The following ADAMTS2 variants were observed in gnomAD, a reference collection of about 807,000 sequenced individuals.
ADAMTS2 encodes the protein A disintegrin and metalloproteinase with thrombospondin motifs 2.
Under a neutral mutation model 123.0 loss-of-function variants are expected in ADAMTS2, and 50 were observed. The ratio of observed to expected loss-of-function variants is 0.41; its 90% CI spans 0.32 to 0.51. ADAMTS2 has a LOEUF of 0.51. Ranked by LOEUF, ADAMTS2 falls within the 20% of genes least tolerant of loss-of-function variation. The pLI is 0.35. For synonymous variants in ADAMTS2, 678 were observed against 695.4 expected (o/e 0.98, Z 0.39); for missense variants, 1,494 against 1,705.2 (o/e 0.88, Z 2.18).
intron 2 of ADAMTS2, among the ~76,000 whole-genome samples, chr5:179,289,440 A>G (rs761951375): frequency 6.6e-6 from 1 of 152,222 alleles, no homozygotes; most frequent in Non-Finnish European, 1.5e-5. Flanking sequence ...AAATCATGGT[A>G]GTAAACCCCA....
intron 3 of ADAMTS2, among the ~76,000 whole-genome samples, chr5:179,259,051 C>T (rs542192009): frequency 6.6e-6 from 1 of 152,282 alleles, no homozygotes; most frequent in South Asian, 2.1e-4. Context: ...TCACCCTCCT[C>T]GGAAACCAGA....
chr5:179,125,298 CA>C (rs1762834538), intron 18 of ADAMTS2, 118 bp from the exon 19 acceptor site: 1 of 852,432 alleles, frequency 1.2e-6, no homozygotes. Context: ...GGGCAGCCTG[CA>C]CCCCTCCCCG....
intron 4 of ADAMTS2, among the ~76,000 whole-genome samples, chr5:179,199,204 C>T (rs180729597): frequency 1.4e-4 from 21 of 152,336 alleles, no homozygotes; most frequent in African/African-American, 3.4e-4. Flanking sequence ...TGAAGTTCTT[C>T]GTCATCTCAC....
intron 5 of ADAMTS2, among the ~76,000 whole-genome samples, chr5:179,174,765 C>T (rs372046779): frequency 3.9e-5 from 6 of 152,268 alleles, no homozygotes; most frequent in African/African-American, 7.2e-5. Context: ...ACAGCTGTCT[C>T]GGCCATTCTT....
chr5:179,264,995 G>A (rs1161050110), intron 3 of ADAMTS2, among the ~76,000 whole-genome samples: 1 of 152,052 alleles, frequency 6.6e-6, no homozygotes. Flanking sequence ...GCGGGGCTGA[G>A]CACACTGACC....
rs1007112447 is a variant in ADAMTS2, at chr5:179,117,011, T to G, written c.3179-2687A>C. On this transcript the variant is annotated intron_variant, in intron 21 of 21. Coordinates refer to ENST00000251582, the MANE Select transcript of ADAMTS2 (RefSeq NM_014244.5). This position sits in a 1 kb window ranked among gnomAD's most constrained non-coding sequence, Gnocchi z 4.2. ...ATCCTGAGATGTGGCTGTCAGGATT[T>G]TGAAACTGGCAGAAGGCTTTTCTCA... Among the ~76,000 whole-genome samples, 9 of 152,160 alleles carry G rather than the reference T, an allele frequency of 5.9e-5. No homozygotes were observed. The highest frequency in any genetic ancestry group is 2.2e-4 in the African/African-American group (9 of 41,434).
chr5:179,280,115 G>A (rs1211240104), intron 2 of ADAMTS2, among the ~76,000 whole-genome samples: 4 of 152,328 alleles, frequency 2.6e-5, no homozygotes, highest in African/African-American at 9.6e-5. Flanking sequence ...AGAACCTGAT[G>A]ACTTTGCTTG....
chr5:179,198,588 C>G (rs1373859898), intron 4 of ADAMTS2, among the ~76,000 whole-genome samples: 2 of 152,188 alleles, frequency 1.3e-5, no homozygotes, highest in Non-Finnish European at 2.9e-5. Flanking sequence ...GATCCCAGCA[C>G]TTTGGGAGGC....
At chr5:179,264,722 C>T (rs184645464) in intron 3 of ADAMTS2, among the ~76,000 whole-genome samples, 1 of 152,336 alleles carries the variant, frequency 6.6e-6, no homozygotes, top group Admixed American at 6.5e-5. Flanking sequence ...TCGCAGTGAG[C>T]ACTGGGCAGG....
intron 13 of ADAMTS2, 78 bp downstream of exon 13, chr5:179,135,831 C>T: frequency 1.3e-6 from 2 of 1,599,786 alleles, no homozygotes; most frequent in South Asian, 2.2e-5. Flanking sequence ...TTGCCAATAC[C>T]CCGAAAAGGG....
intron 2 of ADAMTS2, among the ~76,000 whole-genome samples, chr5:179,337,396 CTCAT>C (rs1056085774): frequency 1.3e-5 from 2 of 152,212 alleles, no homozygotes; most frequent in Non-Finnish European, 2.9e-5. Context: ...CGTGTACACA[CTCAT>C]TCAGACGTGC....
Position 179,185,639 on chromosome 5 carries a change from G to A in ADAMTS2, c.892-4484C>T, listed in dbSNP as rs777223336. ...GACCAACCACTCCAAAAGCCCCGTC[G>A]CTGGGCATGGAACTCCCTGGGATAG... On this transcript the variant is annotated intron_variant, in intron 4 of 21. Coordinates refer to ENST00000251582, the MANE Select transcript of ADAMTS2 (RefSeq NM_014244.5). The surrounding 1 kb of genome is among the most constrained non-coding windows in gnomAD (Gnocchi z 5.9). Among the ~76,000 whole-genome samples the A allele has an allele frequency of 1.3e-5, 2 of 152,054 alleles. No homozygotes were observed. The highest frequency in any genetic ancestry group is 2.9e-5 in the Non-Finnish European group (2 of 68,014).
At chr5:179,329,190 G>A (rs1476152604) in intron 2 of ADAMTS2, among the ~76,000 whole-genome samples, 8 of 152,108 alleles carry the variant, frequency 5.3e-5, no homozygotes, top group Admixed American at 4.6e-4. Context: ...AGCCGGGTGT[G>A]GTGGCGGGCG....
At position 179,195,979 on chromosome 5, in the gene ADAMTS2, C is replaced by T. The variant is rs186343083; in HGVS notation, c.891+11534G>A. On this transcript the variant is annotated intron_variant, in intron 4 of 21. Coordinates refer to ENST00000251582, the MANE Select transcript of ADAMTS2 (RefSeq NM_014244.5). ...ACTCGTGAACTATGACTTGGGGCGACGCCTTCCGCCTGGCTGGTTTGCATC... is the reference window on the plus strand; with the variant it reads ...ACTCGTGAACTATGACTTGGGGCGATGCCTTCCGCCTGGCTGGTTTGCATC... 8.7e-4 allele frequency among the ~76,000 whole-genome samples: 132 copies of T among 152,272 alleles called. 1 individual carries two copies. Among genetic ancestry groups the T allele is most frequent in the African/African-American group, 3.0e-3 (125 of 41,550 alleles).
intron 3 of ADAMTS2, among the ~76,000 whole-genome samples, chr5:179,213,303 C>T (rs1199724033): frequency 2.0e-5 from 3 of 152,224 alleles, no homozygotes; most frequent in African/African-American, 7.2e-5. Context: ...GCACCCCGTG[C>T]TCTTCCTTCC....
At chr5:179,191,957 C>T (rs1020200301) in intron 4 of ADAMTS2, among the ~76,000 whole-genome samples, 1 of 152,196 alleles carries the variant, frequency 6.6e-6, no homozygotes, top group Non-Finnish European at 1.5e-5. Flanking sequence ...CTGGCAGAGG[C>T]TGTAGAGTGG....
chr5:179,158,939 G>A lies in ADAMTS2; in HGVS notation c.976-60C>T, dbSNP rs183529518. 4.4e-6 allele frequency: 7 copies of A among 1,588,964 alleles called. No homozygotes were observed. The highest frequency in any genetic ancestry group is 5.1e-6 in the Non-Finnish European group (6 of 1,166,832). On this transcript the variant is annotated intron_variant, in intron 5 of 21. Transcript: ENST00000251582. This position sits in a 1 kb window ranked among gnomAD's most constrained non-coding sequence, Gnocchi z 5.0. ...TTGGCGCCTGGTGGCCCAGTGGGGG[G>A]CCGAGCAGGCTGTAGTGTTGACAGA... is the stretch of plus-strand genomic sequence containing the variant.
At chr5:179,297,849 C>A (rs1756386690) in intron 2 of ADAMTS2, among the ~76,000 whole-genome samples, 1 of 152,164 alleles carries the variant, frequency 6.6e-6, no homozygotes, top group African/African-American at 2.4e-5. Flanking sequence ...CTCAGCCCAA[C>A]AACAGAACCG....
chr5:179,310,681 A>G (rs1332793566), intron 2 of ADAMTS2, among the ~76,000 whole-genome samples: 1 of 152,186 alleles, frequency 6.6e-6, no homozygotes, highest in Non-Finnish European at 1.5e-5. Flanking sequence ...CAGCTGAACT[A>G]AAACCTGCAT....
Sources: gnomAD v4.1 joint callset for allele counts (sites outside exome capture counted in the v4.1 genomes callset) on GRCh38, gnomAD v4.1.1 for gene constraint, Gnocchi (gnomAD v3.1) non-coding constraint, MANE v1.5 for transcripts, NCBI Gene and HGNC (gene_info 2026-07-23, HGNC 2026-07-21) for gene names.